Variants in SLC4A9 observed in about 807,000 individuals in gnomAD.
SLC4A9 encodes the protein solute carrier family 4 member 9, also known as anion exchange protein 4.
SLC4A9 carries 102 observed loss-of-function variants against 103.2 expected under a neutral mutation model. The observed-to-expected ratio is 0.99, with a 90% CI of 0.84 to 1.17. The LOEUF (loss-of-function observed/expected upper bound fraction) is 1.17, where lower values mean the gene tolerates loss of function less well. SLC4A9 is among the 50% of genes most tolerant of loss of function. SLC4A9 has a pLI of 0.00. For missense variants in SLC4A9, 1,091 were observed against 1,193.7 expected, an observed-to-expected ratio of 0.91 and a Z score of 1.27; for synonymous variants, 453 against 483.6, an observed-to-expected ratio of 0.94 and a Z score of 0.83.
rs751577919 is a variant in SLC4A9 at position 140,364,411 on chromosome 5, G to C, written c.1437G>C (p.Trp479Cys). Residue 479 changes from tryptophan (W) to cysteine (C), a missense_variant, in exon 11 of 22, where the codon TGG becomes TGC. Transcript: ENST00000506757. ...CCTTCCGCCTATGGGTGGGCATCTG[G>C]GTGGCTACCTTTTGCCTGGTGCTGG... ...YLPFRLWVGI[W>C]VATFCLVLVA... 5 of 1,613,668 alleles carry C rather than the reference G, an allele frequency of 3.1e-6. No homozygotes were observed. In the Admixed American group the frequency reaches 8.3e-5, roughly 27 times the overall value.
At position 140,365,567 on chromosome 5, in the gene SLC4A9, ATT is replaced by A; in HGVS notation, c.1700_1701del (p.Ile567SerfsTer17). 1 of 1,612,282 alleles carries A rather than the reference ATT, an allele frequency of 6.2e-7. No homozygotes were observed. The highest frequency in any genetic ancestry group is 1.1e-5 in the South Asian group (1 of 90,600). On this transcript the variant is annotated frameshift_variant, in exon 12 of 22. Transcript: ENST00000506757. LOFTEE classifies it high-confidence loss of function. The part of the protein sequence containing the change: ...IRTRPKDRDD[I>X]VSMDLGLINA... ...GACAAGGCCAAAAGACAGAGACGAC[ATT>A]GTAAGCATGGTGAGGGACTGCTCCT...
At chr5:140,362,320 C>T (rs1439708655) in intron 5 of SLC4A9, 125 bp from the exon 6 acceptor site, 1 of 1,238,822 alleles carries the variant, frequency 8.1e-7, no homozygotes, top group Admixed American at 2.0e-5. Flanking sequence ...GTGGTCAGGG[C>T]TGCATGGTAG....
At chr5:140,366,933 C>G (rs1246445168) in intron 14 of SLC4A9, among the ~76,000 whole-genome samples, 1 of 152,194 alleles carries the variant, frequency 6.6e-6, no homozygotes, top group African/African-American at 2.4e-5. Context: ...TCTCCAAATT[C>G]CCCCAAGACA....
rs200411360 is a variant in SLC4A9, at chr5:140,365,901, G to A, written c.1778G>A (p.Arg593His). ...PECTRQGGHP[R>H]GPGCHTVPDI... is the part of the protein sequence containing the mutation. ...TGCACCCGGCAGGGAGGCCACCCTC[G>A]TGGCCCTGGCTGTCATACAGTCCCA... Residue 593 changes from arginine (R) to histidine (H), a missense_variant, in exon 13 of 22, where the codon CGT becomes CAT. Physicochemically the swap from Arg to His is conservative, Grantham distance 29. Transcript: ENST00000506757. 2.6e-5 allele frequency: 42 copies of A among 1,613,846 alleles called. No individual in the cohort carries two copies. The highest frequency in any genetic ancestry group is 1.0e-4 in the Admixed American group (6 of 59,998).
intron 1 of SLC4A9, 64 bp downstream of exon 1, chr5:140,360,530 G>A (rs1766911580): frequency 7.0e-7 from 1 of 1,428,208 alleles, no homozygotes. Context: ...CCTCCTATAT[G>A]TCCCCCAGCG....
At chr5:140,362,395 C>T (rs1274665589) in intron 5 of SLC4A9, 50 bp from the exon 6 acceptor site, 2 of 1,566,078 alleles carry the variant, frequency 1.3e-6, no homozygotes, top group African/African-American at 2.7e-5. Flanking sequence ...GCCAGGGCTG[C>T]CCTGTGGGAA....
At chr5:140,362,335 G>A in intron 5 of SLC4A9, 110 bp from the exon 6 acceptor site, 2 of 1,268,324 alleles carry the variant, frequency 1.6e-6, no homozygotes. Flanking sequence ...TGGTAGGTGT[G>A]CAAATGAGTG....
intron 5 of SLC4A9, 109 bp from the exon 6 acceptor site, chr5:140,362,336 C>A: frequency 1.6e-6 from 2 of 1,273,690 alleles, no homozygotes; most frequent in Non-Finnish European, 2.3e-6. Context: ...GGTAGGTGTG[C>A]AAATGAGTGT....
At chr5:140,370,748 C>G (rs900155463) in intron 17 of SLC4A9, 1 of 238,284 alleles carries the variant, frequency 4.2e-6, no homozygotes. Context: ...TAGGAACAAA[C>G]TTGGGCATGT....
chr5:140,362,568 G>A (rs777802546), intron 6 of SLC4A9, 36 bp downstream of exon 6: 78 of 1,577,256 alleles, frequency 4.9e-5, no homozygotes, highest in Non-Finnish European at 6.2e-5. Context: ...GCGCGCGCAC[G>A]CGTGCATGCC....
intron 10 of SLC4A9, 61 bp downstream of exon 10, chr5:140,364,248 T>G (rs1340274555): frequency 1.3e-6 from 2 of 1,574,096 alleles, no homozygotes; most frequent in Non-Finnish European, 1.7e-6. Context: ...TGCTCCTGGC[T>G]GGGTGAATAG....
rs1767407860 is a variant in SLC4A9, at chr5:140,363,458, G to A, written c.982G>A (p.Glu328Lys). The change falls in exon 8 of 22, where the codon GAG becomes AAG. Residue 328 changes from glutamate (E) to lysine (K), a missense_variant. Transcript: ENST00000506757. This position sits in a 1 kb window ranked among gnomAD's most constrained non-coding sequence, Gnocchi z 4.5. ...QHKRLPSQQREIRGPAVPRLT... is the reference protein window; with the variant it reads ...QHKRLPSQQRKIRGPAVPRLT... ...CCTCAGGCTTCCCTCGCAACAGCGGGAGATCAGAGGTCCCGCCGTCCCGCG... is the reference window on the plus strand; with the variant it reads ...CCTCAGGCTTCCCTCGCAACAGCGGAAGATCAGAGGTCCCGCCGTCCCGCG... The A allele has an allele frequency of 6.4e-7, 1 of 1,551,176 alleles. No homozygotes were observed. The highest frequency in any genetic ancestry group is 8.7e-7 in the Non-Finnish European group (1 of 1,147,016).
At chr5:140,360,568 A>G (rs1766915561) in intron 1 of SLC4A9, 102 bp downstream of exon 1, 1 of 1,216,944 alleles carries the variant, frequency 8.2e-7, no homozygotes, top group Non-Finnish European at 1.1e-6. Flanking sequence ...CAAAATTAGG[A>G]TTTTCCCAGC....
chr5:140,360,558 C>A, intron 1 of SLC4A9, 92 bp downstream of exon 1: 3 of 1,265,450 alleles, frequency 2.4e-6, no homozygotes, highest in South Asian at 1.4e-5. Flanking sequence ...TGGGGCTGCC[C>A]AAAATTAGGA....
intron 20 of SLC4A9, 150 bp downstream of exon 20, chr5:140,372,547 T>C (rs1768877635): frequency 6.9e-7 from 1 of 1,450,934 alleles, no homozygotes; most frequent in Non-Finnish European, 9.0e-7. Flanking sequence ...ATAGGCAGAC[T>C]GAAGGGGTGA....
At position 140,363,804 on chromosome 5, in the gene SLC4A9, C is replaced by T. The variant is rs34390520; in HGVS notation, c.1156C>T (p.Leu386Phe). The change falls in exon 9 of 22, where the codon CTC (leucine) becomes TTC (phenylalanine). Residue 386 changes from leucine (L) to phenylalanine (F), a missense_variant. Physicochemically the swap from Leu to Phe is conservative, Grantham distance 22. Coordinates refer to ENST00000506757, the MANE Select transcript of SLC4A9 (RefSeq NM_031467.3). The surrounding 1 kb of genome is among the most constrained non-coding windows in gnomAD (Gnocchi z 4.5). ...YPSDFLDALHLQCFSAVLYIY... is the reference protein window; with the variant it reads ...YPSDFLDALHFQCFSAVLYIY... The stretch of plus-strand genomic sequence containing the variant: ...CAGCGATTTCTTGGACGCCCTGCAT[C>T]TCCAGTGCTTCTCGGCCGTACTCTA... 763 of 1,613,992 alleles carry T rather than the reference C, an allele frequency of 4.7e-4. 2 individuals are homozygous for T. In the Middle Eastern group the frequency reaches 0.019, roughly 40 times the overall value.
In SLC4A9 at chr5:140,371,638, G is replaced by T. The variant is rs750485209; in HGVS notation, c.2670+14G>T. ...TTCCCCCTCATGGTAAGCTGAGGCA[G>T]GGTTGGGCTGTGTCCTGGAGGGTCT... On this transcript the variant is annotated intron_variant, in intron 19 of 21. Coordinates refer to ENST00000506757, the MANE Select transcript of SLC4A9 (RefSeq NM_031467.3). 2 of 1,613,894 alleles carry T rather than the reference G, an allele frequency of 1.2e-6. No homozygotes were observed. The highest frequency in any genetic ancestry group is 2.2e-5 in the South Asian group (2 of 91,058).
chr5:140,370,862 G>C, intron 17 of SLC4A9: 1 of 537,130 alleles, frequency 1.9e-6, no homozygotes, highest in East Asian at 3.0e-5. Context: ...AAGTTACTTA[G>C]TCCCTCTGAA....
rs1451675164 is a variant in SLC4A9, at chr5:140,363,794, C to T, written c.1146C>T (p.Asp382=). 1.9e-6 allele frequency: 3 copies of T among 1,613,954 alleles called. No homozygotes were observed. Among genetic ancestry groups the T allele is most frequent in the Non-Finnish European group, 1.7e-6 (2 of 1,179,854 alleles). ...KVPWYPSDFL[D]ALHLQCFSAV... ...CGTGGTACCCCAGCGATTTCTTGGA[C>T]GCCCTGCATCTCCAGTGCTTCTCGG... is the stretch of plus-strand genomic sequence containing the variant. Residue 382 remains aspartate, a synonymous_variant, in exon 9 of 22, where the codon GAC becomes GAT. Coordinates refer to ENST00000506757, the MANE Select transcript of SLC4A9 (RefSeq NM_031467.3). This position sits in a 1 kb window ranked among gnomAD's most constrained non-coding sequence, Gnocchi z 4.5.
Sources: allele counts gnomAD v4.1 joint callset (sites outside exome capture counted in the v4.1 genomes callset), GRCh38; gene constraint gnomAD v4.1.1; non-coding constraint Gnocchi (gnomAD v3.1); transcripts MANE v1.5; gene names NCBI Gene and HGNC (gene_info 2026-07-23, HGNC 2026-07-21).